CHD9: variants seen among roughly 807,000 people sequenced by gnomAD.
CHD9 encodes chromodomain helicase DNA binding protein 9, also known as ATP-dependent chromatin remodeler CHD9.
A neutral mutation model predicts 316.1 loss-of-function variants in CHD9; 77 were observed. The ratio of observed to expected loss-of-function variants is 0.24; its 90% confidence interval spans 0.20 to 0.29. The LOEUF (loss-of-function observed/expected upper bound fraction) is 0.29. CHD9 is among the 10% of genes least tolerant of loss of function. The pLI is 1.00. For missense variants in CHD9, 2,763 were observed against 3,438.1 expected (o/e 0.80, Z 4.91); for synonymous variants, 1,129 against 1,158.3 (o/e 0.97, Z 0.51).
chr16:53,064,525 G>C (rs1303703225), intron 1 of CHD9, among the ~76,000 whole-genome samples: 2 of 152,132 alleles, frequency 1.3e-5, no homozygotes, highest in African/African-American at 4.8e-5. Flanking sequence ...AGCCCCCTAG[G>C]GCCAGCAGTA....
chr16:53,226,611 T>C, intron 5 of CHD9, 99 bp downstream of exon 5: 1 of 1,276,690 alleles, frequency 7.8e-7, no homozygotes, highest in East Asian at 2.5e-5. Context: ...CTCTAACTTA[T>C]CCTTCCGGAT....
chr16:53,310,551 A>T (rs1186868082), intron 34 of CHD9, among the ~76,000 whole-genome samples: 1 of 152,014 alleles, frequency 6.6e-6, no homozygotes, highest in African/African-American at 2.4e-5. Flanking sequence ...GTTTTTTAAT[A>T]ATATCAATAG....
Position 53,255,759 on chromosome 16 carries a change from C to T in CHD9, c.4189C>T (p.Arg1397Cys), listed in dbSNP as rs745660251. ...AACTATTACAATTGAATCAGAAGGACGTGGGTCAACATTTGCCAAGGTAAT... is the reference window on the plus strand; with the variant it reads ...AACTATTACAATTGAATCAGAAGGATGTGGGTCAACATTTGCCAAGGTAAT... ...TKTITIESEG[R>C]GSTFAKASFV... Residue 1397 changes from arginine to cysteine, a missense_variant, in exon 19 of 39, where the codon CGT (arginine) becomes TGT (cysteine). Transcript: ENST00000447540. 1.1e-5 allele frequency: 18 copies of T among 1,613,648 alleles called. 1 individual carries two copies. Among genetic ancestry groups the T allele is most frequent in the Middle Eastern group, 1.6e-4 (1 of 6,082 alleles).
intron 3 of CHD9, among the ~76,000 whole-genome samples, chr16:53,212,637 C>T (rs1406341557): frequency 3.9e-5 from 6 of 152,064 alleles, no homozygotes; most frequent in East Asian, 1.9e-4. Context: ...ATGTCCTTTT[C>T]GGAGCACTTT....
chr16:53,115,968 A>G (rs1216610987), intron 1 of CHD9, among the ~76,000 whole-genome samples: 7 of 152,198 alleles, frequency 4.6e-5, no homozygotes, highest in African/African-American at 1.4e-4. Context: ...CGAGACAAGG[A>G]GGGTGTGTTT....
chr16:53,059,360 T>C lies in CHD9; in HGVS notation c.-165+4283T>C, dbSNP rs373826379. On this transcript the variant is annotated intron_variant, in intron 1 of 38. Coordinates refer to ENST00000447540, the MANE Select transcript of CHD9 (RefSeq NM_001308319.2). ...GGCATATGCCTGTAATCCCAGCACTTTGGGAAGCAGAAGTGGGAGGAATGC... is the reference window on the plus strand; with the variant it reads ...GGCATATGCCTGTAATCCCAGCACTCTGGGAAGCAGAAGTGGGAGGAATGC... Among the ~76,000 whole-genome samples, 15 of 152,312 alleles carry C rather than the reference T, an allele frequency of 9.8e-5. 1 individual carries two copies. Among genetic ancestry groups the C allele is most frequent in the African/African-American group, 3.6e-4 (15 of 41,578 alleles).
At chr16:53,305,961 A>C (rs1477212651) in intron 31 of CHD9, among the ~76,000 whole-genome samples, 1 of 152,164 alleles carries the variant, frequency 6.6e-6, no homozygotes, top group East Asian at 1.9e-4. Context: ...GGCGTAGTGC[A>C]CACCTGTAAT....
At chr16:53,152,685 G>T (rs2041218626) in intron 1 of CHD9, among the ~76,000 whole-genome samples, 1 of 152,156 alleles carries the variant, frequency 6.6e-6, no homozygotes, top group African/African-American at 2.4e-5. Flanking sequence ...ACAGGGCAAG[G>T]TAAATAGCAG....
At position 53,062,904 on chromosome 16, in the gene CHD9, C is replaced by T. The variant is rs1377235792; in HGVS notation, c.-165+7827C>T. On this transcript the variant is annotated intron_variant, in intron 1 of 38. Coordinates refer to ENST00000447540, the MANE Select transcript of CHD9 (RefSeq NM_001308319.2). ...AATTAGCCAGGCACATGCCTGTAAT[C>T]CCAGATACTCGGGAGGCTAAGGGAA... 3.3e-5 allele frequency among the ~76,000 whole-genome samples: 5 copies of T among 152,114 alleles called. No individual in the cohort carries two copies. In the East Asian group the frequency reaches 9.6e-4, roughly 29 times the overall value.
chr16:53,222,695 A>C lies in CHD9; in HGVS notation c.1836A>C (p.Ser612=), dbSNP rs2047348584. 1 of 1,584,190 alleles carries C rather than the reference A, an allele frequency of 6.3e-7. No homozygotes were observed. The highest frequency in any genetic ancestry group is 8.6e-7 in the Non-Finnish European group (1 of 1,161,022). Residue 612 remains serine, a synonymous_variant, in exon 4 of 39, where the codon TCA becomes TCC. Transcript: ENST00000447540. The part of the protein sequence containing the change: ...GKKQKRKNES[S]DEISDAEQMP... Reference sequence around the variant, plus strand: ...AACAAAAAAGAAAGAATGAGTCTTCAGATGAAATATCTGATGCAGAACAGA... The same window carrying C: ...AACAAAAAAGAAAGAATGAGTCTTCCGATGAAATATCTGATGCAGAACAGA...
intron 1 of CHD9, among the ~76,000 whole-genome samples, chr16:53,059,459 A>G (rs2032583605): frequency 6.6e-6 from 1 of 152,190 alleles, no homozygotes; most frequent in Non-Finnish European, 1.5e-5. Context: ...AACAAGAAAA[A>G]TGGAAAAAAA....
chr16:53,266,913 T>C (rs2051750626), intron 20 of CHD9, among the ~76,000 whole-genome samples: 1 of 152,192 alleles, frequency 6.6e-6, no homozygotes, highest in African/African-American at 2.4e-5. Context: ...TAGAATAAAC[T>C]TAAGCCACAA....
chr16:53,162,954 G>A (rs2042021982), intron 2 of CHD9, among the ~76,000 whole-genome samples: 2 of 151,334 alleles, frequency 1.3e-5, no homozygotes, highest in African/African-American at 4.9e-5. Flanking sequence ...TATTTTTTGT[G>A]GAGACAAGGT....
chr16:53,319,158 T>G (rs1229101399), intron 37 of CHD9, among the ~76,000 whole-genome samples: 1 of 152,214 alleles, frequency 6.6e-6, no homozygotes, highest in African/African-American at 2.4e-5. Context: ...TATGTATAGC[T>G]TTGACACACT....
In CHD9 at chr16:53,155,950, A is replaced by C. The variant is rs570432226; in HGVS notation, c.-140A>C. ...GGATTTTGACACTTCATGACATGTC[A>C]TTATTTAGAGCAATAATGAATATTG... On this transcript the variant is annotated 5_prime_UTR_variant, in exon 2 of 39. Transcript: ENST00000447540. 5 of 748,160 alleles carry C rather than the reference A, an allele frequency of 6.7e-6. No individual in the cohort carries two copies. Among genetic ancestry groups the C allele is most frequent in the Non-Finnish European group, 2.1e-6 (1 of 472,058 alleles). The allele number at this position is 748,160 out of a possible 1,614,324, so 46.3% of individuals were successfully genotyped here. A position where few individuals can be genotyped will look rare whatever the true frequency, so the allele number is the denominator to read the frequency against.
intron 2 of CHD9, among the ~76,000 whole-genome samples, chr16:53,161,352 A>T (rs12599521): frequency 0.24 from 36,472 of 152,096 alleles, 4,705 homozygotes; most frequent in Middle Eastern, 0.32. Context: ...TTTTTTACCT[A>T]TATAATTTTT....
intron 2 of CHD9, among the ~76,000 whole-genome samples, chr16:53,171,595 A>C (rs1033797831): frequency 6.6e-6 from 1 of 152,050 alleles, no homozygotes; most frequent in East Asian, 1.9e-4. Context: ...CATGTTTATA[A>C]TACTAACACT....
intron 1 of CHD9, among the ~76,000 whole-genome samples, chr16:53,106,060 T>C (rs1319533809): frequency 1.3e-5 from 2 of 152,158 alleles, no homozygotes; most frequent in African/African-American, 4.8e-5. Context: ...CCTCAAGTGA[T>C]CTGCCCACCT....
intron 28 of CHD9, among the ~76,000 whole-genome samples, chr16:53,292,385 A>G (rs2054413272): frequency 6.6e-6 from 1 of 152,244 alleles, no homozygotes; most frequent in Non-Finnish European, 1.5e-5. Context: ...CTTAAAAGTT[A>G]CATCATTGTC....
Sources: gnomAD v4.1 joint callset for allele counts (sites outside exome capture counted in the v4.1 genomes callset) on GRCh38, gnomAD v4.1.1 for gene constraint, MANE v1.5 for transcripts, NCBI Gene and HGNC (gene_info 2026-07-23, HGNC 2026-07-21) for gene names.